ARHGAP21: variants seen among roughly 807,000 people sequenced by gnomAD.
ARHGAP21 encodes the protein Rho GTPase activating protein 21.
In ARHGAP21, 38 loss-of-function variants were observed where a neutral mutation model predicts 164.6. The ratio of observed to expected loss-of-function variants is 0.23; its 90% CI spans 0.18 to 0.30. The LOEUF is 0.30. ARHGAP21 is among the 10% of genes least tolerant of loss of function. The pLI is 1.00. For synonymous variants in ARHGAP21, 766 were observed against 857.9 expected (o/e 0.89, Z 1.87); for missense variants, 1,822 against 2,370.7 (o/e 0.77, Z 4.81).
intron 4 of ARHGAP21, among the ~76,000 whole-genome samples, chr10:24,641,695 G>A (rs1837036101): frequency 6.6e-6 from 1 of 152,138 alleles, no homozygotes; most frequent in African/African-American, 2.4e-5. Context: ...CACCTCTCTA[G>A]TTTTTAAAAG....
rs183743006 is a variant in ARHGAP21 at position 24,705,126 on chromosome 10, C to A, written c.63+16711G>T. ...GAAGACGTCTTAAAAAGGTCTCAGA[C>A]CTCAAACTAGAAAGTTTTCTGATGA... On this transcript the variant is annotated intron_variant, in intron 2 of 25. Coordinates refer to ENST00000396432, the MANE Select transcript of ARHGAP21 (RefSeq NM_020824.4). Among the ~76,000 whole-genome samples, 7 of 152,282 alleles carry A rather than the reference C, an allele frequency of 4.6e-5. No individual in the cohort carries two copies. In the East Asian group the frequency reaches 1.4e-3, roughly 29 times the overall value.
intron 4 of ARHGAP21, among the ~76,000 whole-genome samples, chr10:24,642,514 CAAAAA>C (rs57154901): frequency 2.1e-5 from 1 of 47,902 alleles, no homozygotes; most frequent in African/African-American, 7.0e-5. Context: ...GACTCCGTCT[CAAAAA>C]AAAAAAAAAA....
intron 4 of ARHGAP21, among the ~76,000 whole-genome samples, chr10:24,649,523 A>G (rs1397180170): frequency 6.6e-6 from 1 of 152,214 alleles, no homozygotes; most frequent in Admixed American, 6.5e-5. Context: ...AAGGGGAAAG[A>G]TAACTCTAAG....
chr10:24,707,714 C>G (rs796876821), intron 2 of ARHGAP21, among the ~76,000 whole-genome samples: 4 of 152,302 alleles, frequency 2.6e-5, no homozygotes, highest in African/African-American at 4.8e-5. Context: ...TTCCTTACCT[C>G]TCATATCTAG....
chr10:24,700,566 T>C (rs552365398), intron 2 of ARHGAP21, among the ~76,000 whole-genome samples: 1 of 152,320 alleles, frequency 6.6e-6, no homozygotes, highest in South Asian at 2.1e-4. Flanking sequence ...ACATGAAAAA[T>C]TGAGGCTTTT....
chr10:24,634,057 A>T (rs2131358617), intron 5 of ARHGAP21, among the ~76,000 whole-genome samples: 1 of 151,900 alleles, frequency 6.6e-6, no homozygotes, highest in South Asian at 2.1e-4. Flanking sequence ...GAACAGAGGA[A>T]AGAAGAAAAT....
chr10:24,612,791 C>T (rs1565012015), intron 9 of ARHGAP21, among the ~76,000 whole-genome samples: 2 of 152,078 alleles, frequency 1.3e-5, no homozygotes, highest in Non-Finnish European at 2.9e-5. Flanking sequence ...GGAGGCAGAG[C>T]TTGCAGTGAG....
chr10:24,594,617 GTATTC>G (rs1451819378), intron 21 of ARHGAP21, among the ~76,000 whole-genome samples: 1 of 151,480 alleles, frequency 6.6e-6, no homozygotes, highest in Non-Finnish European at 1.5e-5. Flanking sequence ...TGTTTTCCCT[GTATTC>G]TATTTGGCCT....
Position 24,621,379 on chromosome 10 carries a change from A to T in ARHGAP21, c.526-10T>A. 1 of 1,565,518 alleles carries T rather than the reference A, an allele frequency of 6.4e-7. No homozygotes were observed. ...CATCTTGAGAATATGCCTGTATAGA[A>T]ATGAGAGGAAGGTGTCACTGGAAAT... On this transcript the variant is annotated splice_polypyrimidine_tract_variant and intron_variant, in intron 8 of 25. Transcript: ENST00000396432.
At chr10:24,704,632 A>AT (rs1844049270) in intron 2 of ARHGAP21, among the ~76,000 whole-genome samples, 1 of 151,276 alleles carries the variant, frequency 6.6e-6, no homozygotes, top group Non-Finnish European at 1.5e-5. Flanking sequence ...CGCCTGGCTA[A>AT]TTTTTTTTGT....
chr10:24,603,867 C>G (rs1394186157), intron 12 of ARHGAP21, among the ~76,000 whole-genome samples: 1 of 151,938 alleles, frequency 6.6e-6, no homozygotes, highest in Non-Finnish European at 1.5e-5. Flanking sequence ...GCATGGCAGG[C>G]GCCTGTAATC....
chr10:24,584,478 C>T lies in ARHGAP21; in HGVS notation c.5811G>A (p.Ala1937=), dbSNP rs149523019. Residue 1937 remains alanine (A), a synonymous_variant, in exon 26 of 26, where the codon GCG becomes GCA. Coordinates refer to ENST00000396432, the MANE Select transcript of ARHGAP21 (RefSeq NM_020824.4). Reference sequence around the variant, plus strand: ...CAGACAGTTTATGAGGTTGGGCATTCGCTGCAGAACTAGCATTTTTGCTCA... The same window carrying T: ...CAGACAGTTTATGAGGTTGGGCATTTGCTGCAGAACTAGCATTTTTGCTCA... ...QNVSKNASSA[A]NAQPHKLSET... The T allele has an allele frequency of 1.7e-4, 279 of 1,613,834 alleles. No homozygotes were observed. Among genetic ancestry groups the T allele is most frequent in the African/African-American group, 1.3e-3 (97 of 75,004 alleles).
intron 2 of ARHGAP21, among the ~76,000 whole-genome samples, chr10:24,687,873 T>G (rs1842362362): frequency 6.6e-6 from 1 of 152,250 alleles, no homozygotes; most frequent in African/African-American, 2.4e-5. Flanking sequence ...GTGGTTTCAC[T>G]ATTTTGCTTG....
Position 24,692,964 on chromosome 10 carries a change from A to G in ARHGAP21, c.64-22567T>C, listed in dbSNP as rs538781005. ...AACAACATGGATACATTTCAAAGAT[A>G]ATGCTGAGTGAAAAAAAAACACAAC... On this transcript the variant is annotated intron_variant, in intron 2 of 25. Transcript: ENST00000396432. 9.2e-5 allele frequency among the ~76,000 whole-genome samples: 14 copies of G among 152,366 alleles called. No homozygotes were observed. In the East Asian group the frequency reaches 2.5e-3, roughly 27 times the overall value.
rs2076604961 is a variant in ARHGAP21 at position 24,596,867 on chromosome 10, G to T, written c.3350C>A (p.Pro1117Gln). 1 of 1,607,006 alleles carries T rather than the reference G, an allele frequency of 6.2e-7. No homozygotes were observed. The highest frequency in any genetic ancestry group is 1.3e-5 in the African/African-American group (1 of 74,212). ...TTTTCTCCATGTGCCTTTGTCTTTT[G>T]GGGGACTGGTATCATCTTTTGATTG... ...KLLSKDDTSP[P>Q]KDKGTWRKGI... Residue 1117 changes from proline (P) to glutamine (Q), a missense_variant, in exon 17 of 26, where the codon CCA becomes CAA. Coordinates refer to ENST00000396432, the MANE Select transcript of ARHGAP21 (RefSeq NM_020824.4).
At position 24,585,449 on chromosome 10, in the gene ARHGAP21, T is replaced by C. The variant is rs1430771810; in HGVS notation, c.4840A>G (p.Ser1614Gly). 2 of 1,614,116 alleles carry C rather than the reference T, an allele frequency of 1.2e-6. No homozygotes were observed. The highest frequency in any genetic ancestry group is 1.1e-5 in the South Asian group (1 of 91,084). ...TCGTCATCTGCCTCGTCCCCCTTGC[T>C]CTCTGCCACGGATTGCACCTCAGGG... ...LSPEVQSVAE[S>G]KGDEADDERS... The change falls in exon 26 of 26, where the codon AGC (serine) becomes GGC (glycine). Residue 1614 changes from serine (S) to glycine (G), a missense_variant. Around this residue, in one of 5 missense-constraint regions of ARHGAP21, gnomAD observed 333 missense variants for 383.9 expected, o/e 0.87. Coordinates refer to ENST00000396432, the MANE Select transcript of ARHGAP21 (RefSeq NM_020824.4).
At position 24,687,200 on chromosome 10, in the gene ARHGAP21, C is replaced by T. The variant is rs537872407; in HGVS notation, c.64-16803G>A. The stretch of plus-strand genomic sequence containing the variant: ...AAAAGGCAGTTTCCCAGGCCCTCTA[C>T]TGTAGAGAGTACCTTTACTGTAGGA... On this transcript the variant is annotated intron_variant, in intron 2 of 25. Transcript: ENST00000396432. Among the ~76,000 whole-genome samples the T allele has an allele frequency of 3.9e-5, 6 of 152,306 alleles. No individual in the cohort carries two copies. In the South Asian group the frequency reaches 8.3e-4, roughly 21 times the overall value.
At chr10:24,658,703 A>G (rs1839352813) in intron 4 of ARHGAP21, among the ~76,000 whole-genome samples, 1 of 152,190 alleles carries the variant, frequency 6.6e-6, no homozygotes, top group African/African-American at 2.4e-5. Flanking sequence ...GAGGAGGCAT[A>G]GCATTAGGAG....
intron 9 of ARHGAP21, among the ~76,000 whole-genome samples, chr10:24,608,884 C>T (rs2077142293): frequency 6.6e-6 from 1 of 152,142 alleles, no homozygotes; most frequent in South Asian, 2.1e-4. Context: ...AGTAAGAATG[C>T]AGTAATTCTT....
Sources: allele counts gnomAD v4.1 joint callset (sites outside exome capture counted in the v4.1 genomes callset), GRCh38; gene constraint gnomAD v4.1.1; regional missense constraint gnomAD v4.1.1; transcripts MANE v1.5; gene names NCBI Gene and HGNC (gene_info 2026-07-23, HGNC 2026-07-21).